The following MTHFD1L variants were observed in gnomAD, a reference collection of about 807,000 sequenced individuals.
The protein encoded by MTHFD1L is methylenetetrahydrofolate dehydrogenase (NADP+ dependent) 1 like, also known as monofunctional C1-tetrahydrofolate synthase, mitochondrial.
Under a neutral mutation model 119.5 loss-of-function variants are expected in MTHFD1L, and 81 were observed. The ratio of observed to expected loss-of-function variants is 0.68; its 90% CI spans 0.57 to 0.82. The LOEUF (loss-of-function observed/expected upper bound fraction) is 0.82, where lower values mean the gene tolerates loss of function less well. Among genes scored for constraint, MTHFD1L ranks in the 40% least tolerant of loss-of-function variants. MTHFD1L has a pLI of 0.00. For missense variants in MTHFD1L, 1,125 were observed against 1,253.4 expected, an observed-to-expected ratio of 0.90 and a Z score of 1.55; for synonymous variants, 430 against 475.2, an observed-to-expected ratio of 0.90 and a Z score of 1.24.
intron 13 of MTHFD1L, among the ~76,000 whole-genome samples, chr6:150,940,152 G>A (rs73613293): frequency 0.038 from 5,834 of 152,220 alleles, 373 homozygotes; most frequent in African/African-American, 0.13. Flanking sequence ...AGTTGGCTGT[G>A]GCGAGTTGCG....
chr6:150,970,236 A>G (rs771196408), intron 19 of MTHFD1L, among the ~76,000 whole-genome samples: 2 of 152,208 alleles, frequency 1.3e-5, no homozygotes, highest in Non-Finnish European at 2.9e-5. Flanking sequence ...GCTCCCCATC[A>G]GACCCAGTGA....
chr6:150,876,082 C>T lies in MTHFD1L; in HGVS notation c.228-8C>T. The T allele has an allele frequency of 1.3e-6, 2 of 1,584,034 alleles. No homozygotes were observed. The highest frequency in any genetic ancestry group is 1.7e-6 in the Non-Finnish European group (2 of 1,155,976). Reference sequence around the variant, plus strand: ...GAAATCACAATGTTGTTTTCTTTCTCAATGTAGAGAAGTCATTCAGAATTC... The same window carrying T: ...GAAATCACAATGTTGTTTTCTTTCTTAATGTAGAGAAGTCATTCAGAATTC... On this transcript the variant is annotated splice_polypyrimidine_tract_variant and splice_region_variant and intron_variant, in intron 1 of 27. Transcript: ENST00000367321.
chr6:151,036,704 A>C (rs1786225923), intron 25 of MTHFD1L, among the ~76,000 whole-genome samples: 2 of 152,200 alleles, frequency 1.3e-5, no homozygotes. Context: ...CCAAACATGC[A>C]CATAACACTG....
At chr6:150,980,723 AAAAG>A (rs1554269191) in intron 20 of MTHFD1L, among the ~76,000 whole-genome samples, 24 of 151,358 alleles carry the variant, frequency 1.6e-4, no homozygotes, top group Admixed American at 4.6e-4. Flanking sequence ...AAAAAAAAAA[AAAAG>A]AAAGAAAGAA....
intron 16 of MTHFD1L, among the ~76,000 whole-genome samples, chr6:150,955,548 G>T (rs1795510868): frequency 1.3e-5 from 2 of 149,200 alleles, no homozygotes; most frequent in African/African-American, 5.0e-5. Context: ...CGCCCAGGCT[G>T]GAGTGCAGTG....
At position 150,949,120 on chromosome 6, in the gene MTHFD1L, C is replaced by T; in HGVS notation, c.1713C>T (p.Ile571=). 1 of 1,613,934 alleles carries T rather than the reference C, an allele frequency of 6.2e-7. No individual in the cohort carries two copies. Among genetic ancestry groups the T allele is most frequent in the Non-Finnish European group, 8.5e-7 (1 of 1,179,910 alleles). The change falls in exon 16 of 28, where the codon ATC becomes ATT. Residue 571 remains isoleucine, a synonymous_variant. Coordinates refer to ENST00000367321, the MANE Select transcript of MTHFD1L (RefSeq NM_015440.5). The part of the protein sequence containing the change: ...FARLDIDPST[I]TWQRVLDTND... ...GTCTCGACATCGACCCATCTACCAT[C>T]ACGTGGCAGAGAGGTGGGTGCTGGG...
At chr6:151,006,712 G>A (rs505358) in intron 20 of MTHFD1L, among the ~76,000 whole-genome samples, 73,034 of 151,964 alleles carry the variant, frequency 0.48, 21,656 homozygotes, top group African/African-American at 0.84. Context: ...GAGATAGATG[G>A]TGACTTTCCT....
chr6:151,016,197 C>T (rs543834715), intron 24 of MTHFD1L, among the ~76,000 whole-genome samples: 1 of 152,320 alleles, frequency 6.6e-6, no homozygotes, highest in South Asian at 2.1e-4. Context: ...TTTGAAGACT[C>T]CCAAATCGCA....
At chr6:151,049,711 A>C (rs550961693) in intron 26 of MTHFD1L, among the ~76,000 whole-genome samples, 1 of 151,802 alleles carries the variant, frequency 6.6e-6, no homozygotes, top group African/African-American at 2.4e-5. Context: ...CTTGGGTTCA[A>C]TTAAGTTCCT....
chr6:150,877,129 C>T (rs533915950), intron 2 of MTHFD1L, among the ~76,000 whole-genome samples: 28 of 152,196 alleles, frequency 1.8e-4, no homozygotes, highest in African/African-American at 6.0e-4. Flanking sequence ...CTTGGCTCAC[C>T]GTAGCTTTGA....
At chr6:150,983,759 G>A (rs1049587573) in intron 20 of MTHFD1L, among the ~76,000 whole-genome samples, 1 of 152,132 alleles carries the variant, frequency 6.6e-6, no homozygotes, top group African/African-American at 2.4e-5. Context: ...AAAAGAAAGG[G>A]TTTAATTTTC....
At chr6:150,932,486 A>G (rs959925650) in intron 11 of MTHFD1L, among the ~76,000 whole-genome samples, 1 of 151,994 alleles carries the variant, frequency 6.6e-6, no homozygotes, top group Non-Finnish European at 1.5e-5. Flanking sequence ...AAAAGAAATT[A>G]GAGGGCTGGG....
intron 11 of MTHFD1L, among the ~76,000 whole-genome samples, chr6:150,933,472 A>T (rs1386074851): frequency 6.6e-6 from 1 of 152,016 alleles, no homozygotes; most frequent in Non-Finnish European, 1.5e-5. Flanking sequence ...ATCTTTGTAT[A>T]ACTTTCAGTC....
At position 151,088,752 on chromosome 6, in the gene MTHFD1L, C is replaced by T. The variant is rs144130678; in HGVS notation, c.2848-3715C>T. ...GATTACAGGCATGAGCCACTGCGCC[C>T]GGCCTGGCCAGGTTTAGATCCTGGT... On this transcript the variant is annotated intron_variant, in intron 26 of 27. Transcript: ENST00000367321. 8.5e-3 allele frequency among the ~76,000 whole-genome samples: 1,287 copies of T among 152,066 alleles called. 10 individuals carry two copies. The highest frequency in any genetic ancestry group is 0.013 in the Non-Finnish European group (892 of 67,998).
chr6:150,993,802 T>C (rs115158287), intron 20 of MTHFD1L, among the ~76,000 whole-genome samples: 1,727 of 152,102 alleles, frequency 0.011, 33 homozygotes, highest in African/African-American at 0.04. Context: ...ATTAAAGAGT[T>C]ATTGCAAGAT....
At chr6:150,884,688 T>C (rs1639155157) in intron 5 of MTHFD1L, among the ~76,000 whole-genome samples, 1 of 152,188 alleles carries the variant, frequency 6.6e-6, no homozygotes, top group Non-Finnish European at 1.5e-5. Context: ...AAAATGGTTC[T>C]AAATGTCTCC....
intron 26 of MTHFD1L, among the ~76,000 whole-genome samples, chr6:151,045,594 G>A (rs149034589): frequency 1.5e-4 from 23 of 152,096 alleles, no homozygotes; most frequent in South Asian, 2.1e-4. Context: ...ATGCTCTGCC[G>A]GTGAGCTTGC....
chr6:151,043,687 A>T (rs1317784768), intron 26 of MTHFD1L, among the ~76,000 whole-genome samples: 2 of 152,192 alleles, frequency 1.3e-5, no homozygotes, highest in Admixed American at 1.3e-4. Context: ...AGAGACTTGA[A>T]GAACTTAGAA....
At chr6:151,075,103 G>A (rs1366875414) in intron 26 of MTHFD1L, among the ~76,000 whole-genome samples, 1 of 151,982 alleles carries the variant, frequency 6.6e-6, no homozygotes, top group Non-Finnish European at 1.5e-5. Flanking sequence ...ACAAAGAACA[G>A]ATAGGACAAT....
Sources: allele counts gnomAD v4.1 joint callset (sites outside exome capture counted in the v4.1 genomes callset), GRCh38; gene constraint gnomAD v4.1.1; transcripts MANE v1.5; gene names NCBI Gene and HGNC (gene_info 2026-07-23, HGNC 2026-07-21).